The following GRIK4 variants were observed in gnomAD, a reference collection of about 807,000 sequenced individuals.
GRIK4 encodes glutamate ionotropic receptor kainate type subunit 4.
In GRIK4, 40 loss-of-function variants were observed where a neutral mutation model predicts 104.9. That is an observed-to-expected ratio of 0.38 (90% confidence interval 0.30 to 0.50). The LOEUF is 0.50. Among genes scored for constraint, GRIK4 ranks in the 20% least tolerant of loss-of-function variants. The probability of loss-of-function intolerance (pLI) is 0.93; values close to 1 mark genes in which losing one functional copy is unlikely to be tolerated. For missense variants in GRIK4, 1,047 were observed against 1,308.1 expected (o/e 0.80, Z 3.08); for synonymous variants, 485 against 524.9 (o/e 0.92, Z 1.04).
chr11:120,722,987 G>A (rs1032633346), intron 3 of GRIK4, among the ~76,000 whole-genome samples: 1 of 152,194 alleles, frequency 6.6e-6, no homozygotes, highest in African/African-American at 2.4e-5. Flanking sequence ...TTCCTCATCC[G>A]TAAATGGTGC....
At chr11:120,578,725 G>C (rs1448203391) in intron 1 of GRIK4, among the ~76,000 whole-genome samples, 1 of 152,256 alleles carries the variant, frequency 6.6e-6, no homozygotes, top group Admixed American at 6.5e-5. Flanking sequence ...AGAGCTGAGG[G>C]TTGCACCCAG....
chr11:120,609,569 C>T lies in GRIK4; in HGVS notation c.-158-44116C>T, dbSNP rs571730493. ...TGAGACAGAGTTTTGCTCTGTTGCCCAGGCTGGAGGTCTCGGTTCACTGCA... is the reference window on the plus strand; with the variant it reads ...TGAGACAGAGTTTTGCTCTGTTGCCTAGGCTGGAGGTCTCGGTTCACTGCA... On this transcript the variant is annotated intron_variant, in intron 1 of 20. Transcript: ENST00000527524. Among the ~76,000 whole-genome samples, 10 of 124,692 alleles carry T rather than the reference C, an allele frequency of 8.0e-5. No homozygotes were observed. In the South Asian group the frequency reaches 2.7e-3, roughly 34 times the overall value. The allele number at this position is 124,692 out of a possible 152,430, so 81.8% of individuals were successfully genotyped here. A position where few individuals can be genotyped will look rare whatever the true frequency, so the allele number is the denominator to read the frequency against.
At chr11:120,592,025 C>T (rs1417585379) in intron 1 of GRIK4, among the ~76,000 whole-genome samples, 3 of 152,166 alleles carry the variant, frequency 2.0e-5, no homozygotes, top group African/African-American at 4.8e-5. Context: ...TCACAAAGCC[C>T]TAGAATGCAG....
intron 8 of GRIK4, among the ~76,000 whole-genome samples, chr11:120,846,567 A>T (rs1400514301): frequency 6.6e-6 from 1 of 152,134 alleles, no homozygotes; most frequent in Non-Finnish European, 1.5e-5. Context: ...GGAGAGTGTG[A>T]TGGAGAGAGG....
chr11:120,961,175 C>A, intron 17 of GRIK4, 101 bp downstream of exon 17: 2 of 1,072,330 alleles, frequency 1.9e-6, no homozygotes, highest in Non-Finnish European at 2.8e-6. Flanking sequence ...ATCTCATTAT[C>A]TCTTTTGAAC....
intron 11 of GRIK4, among the ~76,000 whole-genome samples, chr11:120,884,910 T>TGC (rs1211616063): frequency 1.3e-5 from 2 of 152,248 alleles, no homozygotes; most frequent in Non-Finnish European, 2.9e-5. Context: ...CCCTCCAGCA[T>TGC]GCTACTGACT....
intron 16 of GRIK4, among the ~76,000 whole-genome samples, chr11:120,958,530 G>A (rs1002559548): frequency 6.6e-6 from 1 of 152,250 alleles, no homozygotes; most frequent in Non-Finnish European, 1.5e-5. Context: ...GGCCATCGTG[G>A]CCTACCTCGA....
intron 19 of GRIK4, among the ~76,000 whole-genome samples, chr11:120,981,018 G>C (rs1306774508): frequency 1.1e-5 from 1 of 88,698 alleles, no homozygotes; most frequent in Non-Finnish European, 2.3e-5. Flanking sequence ...TGACTGCCCC[G>C]ACACTGACGA....
intron 1 of GRIK4, among the ~76,000 whole-genome samples, chr11:120,643,106 G>T (rs1435717858): frequency 1.3e-5 from 2 of 152,146 alleles, no homozygotes; most frequent in African/African-American, 4.8e-5. Flanking sequence ...AAAGAACAAA[G>T]CAAACAAAAT....
chr11:120,550,665 G>C (rs1948131147), intron 1 of GRIK4, among the ~76,000 whole-genome samples: 1 of 152,102 alleles, frequency 6.6e-6, no homozygotes, highest in South Asian at 2.1e-4. Flanking sequence ...GGTGGATGTG[G>C]CGCCACAGAC....
chr11:120,646,432 C>G (rs1949543172), intron 1 of GRIK4, among the ~76,000 whole-genome samples: 1 of 152,194 alleles, frequency 6.6e-6, no homozygotes, highest in Non-Finnish European at 1.5e-5. Flanking sequence ...TAACCACTCC[C>G]TTGTACTGCC....
intron 13 of GRIK4, among the ~76,000 whole-genome samples, chr11:120,938,488 C>A (rs566810736): frequency 6.6e-6 from 1 of 152,216 alleles, no homozygotes; most frequent in South Asian, 2.1e-4. Flanking sequence ...TGGGGTGGAA[C>A]GTGAATTGGT....
At chr11:120,857,821 G>A (rs1307260422) in intron 8 of GRIK4, among the ~76,000 whole-genome samples, 1 of 152,214 alleles carries the variant, frequency 6.6e-6, no homozygotes, top group Non-Finnish European at 1.5e-5. Flanking sequence ...CTTCAAAAAT[G>A]AGGCAGACAT....
At chr11:120,649,678 T>C (rs998978513) in intron 1 of GRIK4, among the ~76,000 whole-genome samples, 1 of 152,174 alleles carries the variant, frequency 6.6e-6, no homozygotes, top group Non-Finnish European at 1.5e-5. Flanking sequence ...CAGTCCTCCT[T>C]AGGGAAGGTT....
intron 3 of GRIK4, among the ~76,000 whole-genome samples, chr11:120,759,738 T>C (rs1019807721): frequency 2.0e-5 from 3 of 152,174 alleles, no homozygotes; most frequent in Admixed American, 6.5e-5. Context: ...GACCCAGCGA[T>C]TGGCAGAGTT....
chr11:120,808,094 A>C (rs1952752985), intron 4 of GRIK4, among the ~76,000 whole-genome samples: 1 of 152,238 alleles, frequency 6.6e-6, no homozygotes, highest in Non-Finnish European at 1.5e-5. Context: ...GGCTTAAGGC[A>C]GGAAAAAAAA....
intron 8 of GRIK4, among the ~76,000 whole-genome samples, chr11:120,846,555 C>T (rs1296075621): frequency 6.6e-6 from 1 of 152,114 alleles, no homozygotes; most frequent in Non-Finnish European, 1.5e-5. Context: ...GTGCCTGGAG[C>T]AGGAGAGTGT....
intron 14 of GRIK4, among the ~76,000 whole-genome samples, chr11:120,946,133 A>G (rs917452795): frequency 3.9e-5 from 6 of 152,238 alleles, no homozygotes; most frequent in African/African-American, 1.4e-4. Context: ...AAGAACATGA[A>G]AAACCAAAAC....
Position 120,570,072 on chromosome 11 carries a change from C to CCTGTTG in GRIK4, c.-159+58186_-159+58191dup, listed in dbSNP as rs544038398. Among the ~76,000 whole-genome samples the CCTGTTG allele has an allele frequency of 4.4e-4, 67 of 152,338 alleles. No homozygotes were observed. In the East Asian group the frequency reaches 0.01, roughly 23 times the overall value. On this transcript the variant is annotated intron_variant, in intron 1 of 20. Coordinates refer to ENST00000527524, the MANE Select transcript of GRIK4 (RefSeq NM_014619.5). ...GGTGTTGGCTGCTCCGGGAGCCCCT[C>CCTGTTG]CTGTTGGTGGCAACAATAAAGAGTG...
Sources: gnomAD v4.1 joint callset for allele counts (sites outside exome capture counted in the v4.1 genomes callset) on GRCh38, gnomAD v4.1.1 for gene constraint, MANE v1.5 for transcripts, NCBI Gene and HGNC (gene_info 2026-07-23, HGNC 2026-07-21) for gene names.